Variants in RALYL observed in about 807,000 individuals in gnomAD.
RALYL encodes RNA-binding Raly-like protein.
Under a neutral mutation model 35.1 loss-of-function variants are expected in RALYL, and 29 were observed. The ratio of observed to expected loss-of-function variants is 0.83; its 90% CI spans 0.61 to 1.13. The LOEUF is 1.13. RALYL is among the 50% of genes most tolerant of loss of function. The probability of loss-of-function intolerance (pLI) is 0.00; values close to 1 mark genes in which losing one functional copy is unlikely to be tolerated. For synonymous variants in RALYL, 120 were observed against 127.6 expected (o/e 0.94, Z 0.40); for missense variants, 359 against 360.4 (o/e 1.00, Z 0.03).
intron 1 of RALYL, among the ~76,000 whole-genome samples, chr8:84,229,169 A>G (rs1338847623): frequency 6.6e-6 from 1 of 152,190 alleles, no homozygotes; most frequent in East Asian, 1.9e-4. Context: ...TTGGTGGCCG[A>G]AATTTATAAG....
At chr8:84,460,577 G>T (rs1302044795) in intron 1 of RALYL, among the ~76,000 whole-genome samples, 1 of 151,586 alleles carries the variant, frequency 6.6e-6, no homozygotes, top group East Asian at 1.9e-4. Context: ...GAACAGTGTG[G>T]TATAATGCAA....
intron 1 of RALYL, among the ~76,000 whole-genome samples, chr8:84,300,237 T>C (rs1053797523): frequency 6.6e-5 from 10 of 152,050 alleles, no homozygotes; most frequent in Non-Finnish European, 1.3e-4. Flanking sequence ...TTCCATGTAA[T>C]TGTATGGTTT....
At chr8:84,294,163 A>G (rs116576296) in intron 1 of RALYL, among the ~76,000 whole-genome samples, 94 of 152,236 alleles carry the variant, frequency 6.2e-4, no homozygotes, top group African/African-American at 2.2e-3. Context: ...AAAAGTACAT[A>G]CTTAGAAATG....
At chr8:84,423,740 G>T (rs1426870923) in intron 1 of RALYL, among the ~76,000 whole-genome samples, 1 of 151,628 alleles carries the variant, frequency 6.6e-6, no homozygotes, top group East Asian at 1.9e-4. Context: ...TTTAGGGCAG[G>T]CCTGGTGGTG....
At chr8:84,242,906 A>C (rs1563596283) in intron 1 of RALYL, among the ~76,000 whole-genome samples, 1 of 151,924 alleles carries the variant, frequency 6.6e-6, no homozygotes, top group Non-Finnish European at 1.5e-5. Context: ...TCATGATGAA[A>C]TTTTTGCCTG....
chr8:84,712,775 G>C (rs1842398018), intron 2 of RALYL, among the ~76,000 whole-genome samples: 1 of 151,938 alleles, frequency 6.6e-6, no homozygotes, highest in Non-Finnish European at 1.5e-5. Context: ...ATGTTAATTT[G>C]TATCTGTTGA....
intron 2 of RALYL, among the ~76,000 whole-genome samples, chr8:84,705,657 G>A (rs1841074502): frequency 6.6e-6 from 1 of 152,136 alleles, no homozygotes; most frequent in East Asian, 1.9e-4. Flanking sequence ...ACTAAACAAG[G>A]TTTTTATATT....
At chr8:84,914,323 A>C (rs1402417567) in intron 8 of RALYL, among the ~76,000 whole-genome samples, 2 of 152,026 alleles carry the variant, frequency 1.3e-5, no homozygotes, top group Non-Finnish European at 2.9e-5. Context: ...CATTGGGAGT[A>C]AATAACGATT....
At chr8:84,732,683 T>TATATATATATATATATATACACAC in intron 2 of RALYL, among the ~76,000 whole-genome samples, 79 of 133,174 alleles carry the variant, frequency 5.9e-4, no homozygotes, top group Middle Eastern at 3.6e-3. Context: ...TATATATATA[T>TATATATATATATATATATACACAC]ACACACACAC....
chr8:84,484,850 C>A (rs1462607013), intron 1 of RALYL, among the ~76,000 whole-genome samples: 1 of 152,094 alleles, frequency 6.6e-6, no homozygotes, highest in Non-Finnish European at 1.5e-5. Context: ...CTAGTTTATT[C>A]ACTGATCTGT....
chr8:84,289,609 A>G (rs1265321821), intron 1 of RALYL, among the ~76,000 whole-genome samples: 2 of 152,070 alleles, frequency 1.3e-5, no homozygotes. Flanking sequence ...CCAACATGAG[A>G]TTGTTAAAGA....
intron 2 of RALYL, among the ~76,000 whole-genome samples, chr8:84,727,727 G>GT (rs1206932376): frequency 6.7e-6 from 1 of 149,962 alleles, no homozygotes; most frequent in Non-Finnish European, 1.5e-5. Flanking sequence ...GCCGTGTTTG[G>GT]TTTTTTTGTT....
At chr8:84,489,695 G>A (rs561714200) in intron 1 of RALYL, among the ~76,000 whole-genome samples, 1 of 152,130 alleles carries the variant, frequency 6.6e-6, no homozygotes, top group South Asian at 2.1e-4. Context: ...AGAGCCAATT[G>A]TCAGAACACA....
chr8:84,444,811 T>C (rs988589564), intron 1 of RALYL, among the ~76,000 whole-genome samples: 2 of 152,040 alleles, frequency 1.3e-5, no homozygotes, highest in African/African-American at 4.8e-5. Flanking sequence ...CTTTGAAAAA[T>C]GCCATTTTGT....
At chr8:84,747,723 A>C (rs903651583) in intron 2 of RALYL, among the ~76,000 whole-genome samples, 5 of 151,934 alleles carry the variant, frequency 3.3e-5, no homozygotes, top group African/African-American at 9.7e-5. Context: ...ACTTGACTTA[A>C]TTTATTATCT....
intron 3 of RALYL, among the ~76,000 whole-genome samples, chr8:84,803,492 C>A (rs879708820): frequency 8.5e-5 from 13 of 152,054 alleles, no homozygotes; most frequent in Non-Finnish European, 1.6e-4. Flanking sequence ...AATTAATGTA[C>A]CTACAGTTAG....
At chr8:84,621,507 A>C (rs977622011) in intron 2 of RALYL, among the ~76,000 whole-genome samples, 72 of 152,236 alleles carry the variant, frequency 4.7e-4, no homozygotes, top group African/African-American at 1.6e-3. Context: ...GGCACTCCCT[A>C]GTGAGATGAA....
At chr8:84,370,016 C>A (rs763128367) in intron 1 of RALYL, among the ~76,000 whole-genome samples, 1 of 152,030 alleles carries the variant, frequency 6.6e-6, no homozygotes, top group Non-Finnish European at 1.5e-5. Context: ...CATCTTAATT[C>A]CATCAATTTC....
intron 2 of RALYL, among the ~76,000 whole-genome samples, chr8:84,694,918 A>C: frequency 6.6e-6 from 1 of 151,786 alleles, no homozygotes; most frequent in Non-Finnish European, 1.5e-5. Flanking sequence ...TCATTATTCT[A>C]AGCACTTTTT....
Sources: allele counts gnomAD v4.1 joint callset (sites outside exome capture counted in the v4.1 genomes callset), GRCh38; gene constraint gnomAD v4.1.1; transcripts MANE v1.5; gene names NCBI Gene and HGNC (gene_info 2026-07-23, HGNC 2026-07-21).